The following NPHP4 variants were observed in gnomAD, a reference collection of about 807,000 sequenced individuals.
NPHP4 encodes the protein nephrocystin-4.
Under a neutral mutation model 155.8 loss-of-function variants are expected in NPHP4, and 151 were observed. The ratio of observed to expected loss-of-function variants is 0.97; its 90% confidence interval spans 0.85 to 1.11. The LOEUF (loss-of-function observed/expected upper bound fraction) is 1.11. Ranked by LOEUF, NPHP4 falls within the 50% of genes least tolerant of loss-of-function variation. The probability of loss-of-function intolerance (pLI) is 0.00; values close to 1 mark genes in which losing one functional copy is unlikely to be tolerated. For missense variants in NPHP4, 1,956 were observed against 1,925.7 expected, an observed-to-expected ratio of 1.02 and a Z score of -0.29; for synonymous variants, 845 against 816.8, an observed-to-expected ratio of 1.03 and a Z score of -0.59.
In NPHP4 at chr1:5,867,957, C is replaced by A; in HGVS notation, c.3316-61G>T. 1 of 1,555,048 alleles carries A rather than the reference C, an allele frequency of 6.4e-7. No homozygotes were observed. Among genetic ancestry groups the A allele is most frequent in the South Asian group, 1.1e-5 (1 of 89,570 alleles). On this transcript the variant is annotated intron_variant, in intron 23 of 29. Coordinates refer to ENST00000378156, the MANE Select transcript of NPHP4 (RefSeq NM_015102.5). This position sits in a 1 kb window ranked among gnomAD's most constrained non-coding sequence, Gnocchi z 4.1. ...CGAGGCTTGTGAGCAGCTTCTTGTC[C>A]CTCCTTAGACAGCACACGTATCTCC...
At chr1:5,975,745 G>C in intron 3 of NPHP4, among the ~76,000 whole-genome samples, 1 of 152,216 alleles carries the variant, frequency 6.6e-6, no homozygotes, top group East Asian at 1.9e-4. Context: ...CAGCTGCCAG[G>C]ATGTGGTGAA....
intron 20 of NPHP4, among the ~76,000 whole-genome samples, chr1:5,875,790 C>T (rs912158680): frequency 3.3e-5 from 5 of 152,246 alleles, no homozygotes; most frequent in Non-Finnish European, 1.5e-5. Flanking sequence ...AGCCAGCCTG[C>T]AGCTACTCCA....
intron 3 of NPHP4, among the ~76,000 whole-genome samples, chr1:5,970,465 C>A (rs181310428): frequency 6.6e-6 from 1 of 152,038 alleles, no homozygotes; most frequent in Non-Finnish European, 1.5e-5. Flanking sequence ...ATCACGCCAC[C>A]GCACTCCAGC....
At chr1:5,988,980 T>C (rs1427464543) in intron 1 of NPHP4, among the ~76,000 whole-genome samples, 1 of 152,250 alleles carries the variant, frequency 6.6e-6, no homozygotes, top group African/African-American at 2.4e-5. Context: ...TTTTGTTCTC[T>C]GTGGGCTATT....
intron 16 of NPHP4, among the ~76,000 whole-genome samples, chr1:5,894,449 C>CAAAAAAAAAA (rs34608472): frequency 9.7e-6 from 1 of 103,130 alleles, no homozygotes. Flanking sequence ...GACCCAGTCT[C>CAAAAAAAAAA]AAAAAAAAAA....
chr1:5,934,277 C>A (rs550911381), intron 9 of NPHP4, among the ~76,000 whole-genome samples: 2 of 152,280 alleles, frequency 1.3e-5, no homozygotes, highest in African/African-American at 4.8e-5. Flanking sequence ...GTACAGGCAA[C>A]AGCGGGTCCG....
intron 7 of NPHP4, among the ~76,000 whole-genome samples, chr1:5,949,920 G>A (rs979699211): frequency 6.6e-6 from 1 of 152,166 alleles, no homozygotes; most frequent in African/African-American, 2.4e-5. Context: ...CAAACCACGT[G>A]CATCTTGGAG....
chr1:5,922,268 G>A lies in NPHP4; in HGVS notation c.1441+5381C>T, dbSNP rs558157424. Among the ~76,000 whole-genome samples the A allele has an allele frequency of 7.2e-5, 11 of 152,304 alleles. 1 individual carries two copies. The South Asian group carries it at 1.9e-3, about 26-fold the overall frequency. ...CTGAGCCCTCGATTTAAGACTATAGGACCCACTTTGGACTTCTGACCTCCA... is the reference window on the plus strand; with the variant it reads ...CTGAGCCCTCGATTTAAGACTATAGAACCCACTTTGGACTTCTGACCTCCA... On this transcript the variant is annotated intron_variant, in intron 11 of 29. Transcript: ENST00000378156.
At position 5,891,173 on chromosome 1, in the gene NPHP4, C is replaced by A. The variant is rs1644106602; in HGVS notation, c.2144-145G>T. ...TAATAAACACATTAATCAAAAACAT[C>A]ATAAAATATTCAAATTAACAGAATG... is the stretch of plus-strand genomic sequence containing the variant. On this transcript the variant is annotated intron_variant, in intron 16 of 29. Transcript: ENST00000378156. The A allele has an allele frequency of 7.8e-6, 4 of 514,422 alleles. No individual in the cohort carries two copies. In the Admixed American group the frequency reaches 1.5e-4, roughly 19 times the overall value. The allele number at this position is 514,422 out of a possible 1,614,324, so 31.9% of individuals were successfully genotyped here.
At chr1:5,883,281 T>G (rs1231969217) in intron 18 of NPHP4, among the ~76,000 whole-genome samples, 2 of 151,478 alleles carry the variant, frequency 1.3e-5, no homozygotes, top group Non-Finnish European at 2.9e-5. Flanking sequence ...CACGCTGCCC[T>G]CCACATGACG....
intron 11 of NPHP4, among the ~76,000 whole-genome samples, chr1:5,913,503 T>A (rs1011233171): frequency 1.3e-5 from 2 of 152,270 alleles, no homozygotes; most frequent in Admixed American, 6.5e-5. Flanking sequence ...TCTACTTTTC[T>A]GTCAATTTAG....
At chr1:5,966,095 C>A (rs1001978425) in intron 5 of NPHP4, among the ~76,000 whole-genome samples, 3 of 152,170 alleles carry the variant, frequency 2.0e-5, no homozygotes, top group Admixed American at 6.5e-5. Flanking sequence ...CACTTCCCAG[C>A]CTGTCAGAAA....
intron 23 of NPHP4, among the ~76,000 whole-genome samples, chr1:5,871,388 C>T (rs1641989854): frequency 6.6e-6 from 1 of 152,154 alleles, no homozygotes; most frequent in Non-Finnish European, 1.5e-5. Flanking sequence ...CATGAGACGC[C>T]GCAAACATGG....
chr1:5,864,286 C>A (rs1570030983), intron 28 of NPHP4, 52 bp downstream of exon 28: 1 of 1,510,846 alleles, frequency 6.6e-7, no homozygotes, highest in Non-Finnish European at 9.0e-7. Context: ...TCCTGCAGTG[C>A]CCTGGTATTG....
chr1:5,865,081 C>T (rs756616646), intron 27 of NPHP4, 21 bp downstream of exon 27: 65 of 1,611,390 alleles, frequency 4.0e-5, no homozygotes, highest in Non-Finnish European at 5.4e-5. Flanking sequence ...AGGCTCAGAA[C>T]AGCCCCCAGA....
At chr1:5,932,816 T>C (rs1019160692) in intron 10 of NPHP4, among the ~76,000 whole-genome samples, 3 of 152,072 alleles carry the variant, frequency 2.0e-5, no homozygotes, top group Non-Finnish European at 2.9e-5. Flanking sequence ...AAAAACCTAC[T>C]GGTAAAGGCC....
In NPHP4 at chr1:5,890,710, G is replaced by A. The variant is rs1215740005; in HGVS notation, c.2304+158C>T. On this transcript the variant is annotated intron_variant, in intron 17 of 29. Transcript: ENST00000378156. The surrounding 1 kb of genome is among the most constrained non-coding windows in gnomAD (Gnocchi z 4.9). ...AAAAATCTTTTCCTTTCAAGAAACA[G>A]AGAATGCAGCACTATTTTTAACGAG... 1.3e-5 allele frequency among the ~76,000 whole-genome samples: 2 copies of A among 152,176 alleles called. 1 individual carries two copies. The highest frequency in any genetic ancestry group is 2.9e-5 in the Non-Finnish European group (2 of 68,016).
intron 18 of NPHP4, among the ~76,000 whole-genome samples, chr1:5,883,994 C>A (rs1329168024): frequency 6.6e-6 from 1 of 152,186 alleles, no homozygotes; most frequent in Admixed American, 6.5e-5. Context: ...ATGACCGTTT[C>A]CTCTTACTAT....
At chr1:5,947,517 G>A (rs758751851) in intron 8 of NPHP4, among the ~76,000 whole-genome samples, 35 of 152,288 alleles carry the variant, frequency 2.3e-4, no homozygotes, top group Admixed American at 8.5e-4. Context: ...CTCTTTCAAC[G>A]CATTTCCAAA....
Sources: allele counts gnomAD v4.1 joint callset (sites outside exome capture counted in the v4.1 genomes callset), GRCh38; gene constraint gnomAD v4.1.1; non-coding constraint Gnocchi (gnomAD v3.1); transcripts MANE v1.5; gene names NCBI Gene and HGNC (gene_info 2026-07-23, HGNC 2026-07-21).